Variants in SNTG1 observed in about 807,000 individuals in gnomAD.
SNTG1 encodes gamma-1-syntrophin.
Under a neutral mutation model 74.7 loss-of-function variants are expected in SNTG1, and 39 were observed. The observed-to-expected ratio is 0.52, with a 90% CI of 0.40 to 0.68. The LOEUF is 0.68. Ranked by LOEUF, SNTG1 falls within the 30% of genes least tolerant of loss-of-function variation. The pLI is 0.00. For missense variants in SNTG1, 685 were observed against 609.5 expected, an observed-to-expected ratio of 1.12 and a Z score of -1.30; for synonymous variants, 254 against 217.1, an observed-to-expected ratio of 1.17 and a Z score of -1.49.
intron 8 of SNTG1, among the ~76,000 whole-genome samples, chr8:50,483,013 T>A (rs2093753774): frequency 6.6e-6 from 1 of 152,174 alleles, no homozygotes; most frequent in African/African-American, 2.4e-5. Flanking sequence ...AGGCTTGAAG[T>A]AGAATAGTAG....
intron 2 of SNTG1, among the ~76,000 whole-genome samples, chr8:50,226,560 T>A (rs2085339537): frequency 6.6e-6 from 1 of 152,218 alleles, no homozygotes; most frequent in African/African-American, 2.4e-5. Flanking sequence ...CTCCACAATC[T>A]TTTATCTTAA....
chr8:50,792,438 T>C (rs1038501796), intron 18 of SNTG1, among the ~76,000 whole-genome samples: 3 of 151,930 alleles, frequency 2.0e-5, no homozygotes, highest in Admixed American at 2.0e-4. Context: ...CATTCATAGA[T>C]GGTAAGAGTG....
intron 1 of SNTG1, among the ~76,000 whole-genome samples, chr8:50,165,400 AG>A (rs1227443549): frequency 3.9e-5 from 6 of 152,248 alleles, no homozygotes; most frequent in African/African-American, 1.4e-4. Context: ...TATTCAAGCA[AG>A]AATCAGGAAA....
chr8:50,760,427 G>A (rs1034032778), intron 18 of SNTG1, among the ~76,000 whole-genome samples: 12 of 152,012 alleles, frequency 7.9e-5, no homozygotes, highest in African/African-American at 2.9e-4. Context: ...AGGTTTTAAA[G>A]GAAATGCTTC....
chr8:50,696,721 C>G (rs1221548068), intron 15 of SNTG1, among the ~76,000 whole-genome samples: 2 of 151,956 alleles, frequency 1.3e-5, no homozygotes, highest in Admixed American at 1.3e-4. Context: ...TTCTTGTTGA[C>G]TTTGACAAAG....
intron 9 of SNTG1, among the ~76,000 whole-genome samples, chr8:50,512,697 G>A (rs1304458407): frequency 6.6e-6 from 1 of 152,060 alleles, no homozygotes; most frequent in Non-Finnish European, 1.5e-5. Context: ...CTTTCTTCCA[G>A]TTGATCGAAT....
intron 4 of SNTG1, among the ~76,000 whole-genome samples, chr8:50,407,045 A>G (rs998859448): frequency 1.3e-5 from 2 of 152,134 alleles, no homozygotes; most frequent in African/African-American, 4.8e-5. Context: ...CCTCTGTATT[A>G]AAAGATACCC....
chr8:50,271,562 A>T (rs563623651), intron 2 of SNTG1, among the ~76,000 whole-genome samples: 1 of 152,212 alleles, frequency 6.6e-6, no homozygotes, highest in South Asian at 2.1e-4. Flanking sequence ...ATCTATATAG[A>T]TTTCTTATAA....
intron 2 of SNTG1, among the ~76,000 whole-genome samples, chr8:50,295,289 T>G (rs2089310024): frequency 6.6e-6 from 1 of 152,088 alleles, no homozygotes; most frequent in Non-Finnish European, 1.5e-5. Context: ...TGATAGGAGG[T>G]TGAACATAGA....
intron 1 of SNTG1, among the ~76,000 whole-genome samples, chr8:49,958,635 G>T (rs1810402518): frequency 6.6e-6 from 1 of 152,134 alleles, no homozygotes; most frequent in Non-Finnish European, 1.5e-5. Context: ...TGGCCAGGCT[G>T]GTCTTGAACT....
intron 9 of SNTG1, among the ~76,000 whole-genome samples, chr8:50,520,515 T>C (rs2094170795): frequency 6.6e-6 from 1 of 151,642 alleles, no homozygotes; most frequent in Admixed American, 6.6e-5. Context: ...ACCTACAGAA[T>C]GGGAGAAAAA....
intron 17 of SNTG1, among the ~76,000 whole-genome samples, chr8:50,727,624 C>T (rs562605038): frequency 3.0e-4 from 46 of 152,160 alleles, no homozygotes; most frequent in Admixed American, 7.9e-4. Flanking sequence ...TAAATAGCCC[C>T]TGCTGCTATG....
intron 1 of SNTG1, among the ~76,000 whole-genome samples, chr8:49,994,256 CTTTT>C (rs11367514): frequency 3.0e-5 from 3 of 101,284 alleles, no homozygotes; most frequent in Non-Finnish European, 6.1e-5. Flanking sequence ...TTTTATTCTT[CTTTT>C]TTTTTTTTTT....
chr8:50,029,345 A>G (rs1342216312), intron 1 of SNTG1, among the ~76,000 whole-genome samples: 1 of 152,142 alleles, frequency 6.6e-6, no homozygotes, highest in African/African-American at 2.4e-5. Flanking sequence ...TTGTGTTAGA[A>G]TCATTTCAAT....
intron 2 of SNTG1, among the ~76,000 whole-genome samples, chr8:50,358,176 C>A (rs1370670582): frequency 2.0e-5 from 3 of 152,124 alleles, no homozygotes; most frequent in African/African-American, 4.8e-5. Flanking sequence ...AACCCATAGG[C>A]TCTTTTCAGA....
intron 1 of SNTG1, among the ~76,000 whole-genome samples, chr8:49,962,600 G>A (rs1328684764): frequency 2.6e-5 from 4 of 151,804 alleles, no homozygotes; most frequent in African/African-American, 4.8e-5. Context: ...TTCTCCTCTC[G>A]TTGGGATGCA....
intron 1 of SNTG1, among the ~76,000 whole-genome samples, chr8:49,949,515 T>A (rs1809511567): frequency 6.6e-6 from 1 of 152,200 alleles, no homozygotes. Context: ...TAAATCCATG[T>A]GAAATTATTT....
chr8:50,337,860 GGC>G (rs2091193602), intron 2 of SNTG1, among the ~76,000 whole-genome samples: 2 of 152,202 alleles, frequency 1.3e-5, no homozygotes, highest in Non-Finnish European at 2.9e-5. Context: ...TTTTAGGCCG[GGC>G]GCAGTGGCTC....
chr8:50,374,101 G>A (rs562876219), intron 2 of SNTG1, among the ~76,000 whole-genome samples: 4 of 152,170 alleles, frequency 2.6e-5, no homozygotes, highest in Non-Finnish European at 4.4e-5. Context: ...GATGGTGAAG[G>A]ACCCTGAACA....
Sources: allele counts gnomAD v4.1 joint callset (sites outside exome capture counted in the v4.1 genomes callset), GRCh38; gene constraint gnomAD v4.1.1; transcripts MANE v1.5; gene names NCBI Gene and HGNC (gene_info 2026-07-23, HGNC 2026-07-21).